Variants in CCDC73 observed in about 807,000 individuals in gnomAD.
The protein encoded by CCDC73 is coiled-coil domain-containing protein 73.
CCDC73 carries 95 observed loss-of-function variants against 116.5 expected under a neutral mutation model. That is an observed-to-expected ratio of 0.82 (90% CI 0.69 to 0.97). CCDC73 has a LOEUF of 0.97. Ranked by LOEUF, CCDC73 falls within the 50% of genes least tolerant of loss-of-function variation. The pLI is 0.00. For missense variants in CCDC73, 1,066 were observed against 1,206.8 expected (o/e 0.88, Z 1.73); for synonymous variants, 398 against 401.3 (o/e 0.99, Z 0.10).
At position 32,760,281 on chromosome 11, in the gene CCDC73, C is replaced by A. The variant is rs200169421; in HGVS notation, c.-15-23G>T. 9.6e-4 allele frequency: 1,268 copies of A among 1,323,464 alleles called. 3 individuals are homozygous for A. Among genetic ancestry groups the A allele is most frequent in the Non-Finnish European group, 1.2e-3 (1,182 of 979,106 alleles). The allele number at this position is 1,323,464 out of a possible 1,614,324, so 82.0% of individuals were successfully genotyped here. On this transcript the variant is annotated intron_variant, in intron 1 of 17. Transcript: ENST00000335185. Reference sequence around the variant, plus strand: ...TTCCTGTAATGTAAAAAGGTCTTAACTGAAAAAAAATTATCTAGGTTTTTC... The same window carrying A: ...TTCCTGTAATGTAAAAAGGTCTTAAATGAAAAAAAATTATCTAGGTTTTTC...
At chr11:32,609,960 T>G (rs531406274) in intron 17 of CCDC73, among the ~76,000 whole-genome samples, 1 of 150,892 alleles carries the variant, frequency 6.6e-6, no homozygotes, top group South Asian at 2.1e-4. Context: ...TTTTTTTTTT[T>G]TTGTATTTTT....
rs780898101 is a variant in CCDC73 at position 32,653,241 on chromosome 11, C to T, written c.835-14G>A. On this transcript the variant is annotated splice_polypyrimidine_tract_variant and intron_variant, in intron 11 of 17. Transcript: ENST00000335185. ...AATGATGATATCCTTTGAAAATACA[C>T]AAATATATCAATTTAAAAGTTTTAA... is the stretch of plus-strand genomic sequence containing the variant. 31 of 1,502,608 alleles carry T rather than the reference C, an allele frequency of 2.1e-5. No homozygotes were observed. The highest frequency in any genetic ancestry group is 7.1e-5 in the Admixed American group (4 of 56,218). 93.1% of individuals were successfully genotyped at this position (1,502,608 alleles called of 1,614,324 possible).
At chr11:32,608,034 G>A (rs60780706) in intron 17 of CCDC73, among the ~76,000 whole-genome samples, 39,493 of 151,260 alleles carry the variant, frequency 0.26, 5,591 homozygotes, top group South Asian at 0.35. Context: ...CCCCCCCCAC[G>A]ATTCTATTAC....
intron 2 of CCDC73, among the ~76,000 whole-genome samples, chr11:32,729,007 A>G (rs908848327): frequency 1.3e-5 from 2 of 150,124 alleles, no homozygotes; most frequent in South Asian, 4.2e-4. Context: ...GCCCAGCCCA[A>G]TTCTTTTTTT....
the CCDC73 span, among the ~76,000 whole-genome samples, chr11:32,827,460 T>C: frequency 2.2e-4 from 34 of 152,338 alleles, no homozygotes; most frequent in South Asian, 6.0e-3. Context: ...CTATAAACTC[T>C]GATATTTGAT....
intron 14 of CCDC73, among the ~76,000 whole-genome samples, chr11:32,616,651 G>A (rs2133223421): frequency 6.6e-6 from 1 of 152,242 alleles, no homozygotes; most frequent in Middle Eastern, 3.4e-3. Flanking sequence ...AGGTGAAGCA[G>A]TATTTTTATG....
intron 3 of CCDC73, 101 bp downstream of exon 3, chr11:32,717,975 A>G (rs568318974): frequency 1.5e-5 from 11 of 751,796 alleles, no homozygotes; most frequent in East Asian, 8.0e-5. Context: ...AAATGATTCA[A>G]TTACCTCCAC....
upstream of CCDC73, among the ~76,000 whole-genome samples, chr11:32,796,229 G>A (rs192881785): frequency 2.2e-4 from 33 of 152,250 alleles, no homozygotes; most frequent in African/African-American, 7.5e-4. Flanking sequence ...CACAAGCTTC[G>A]TGAAAACAGA....
At chr11:32,638,259 T>C (rs1280585110) in intron 13 of CCDC73, among the ~76,000 whole-genome samples, 4 of 152,246 alleles carry the variant, frequency 2.6e-5, no homozygotes, top group Non-Finnish European at 5.9e-5. Flanking sequence ...GCAAGAATTA[T>C]TTTTCTAAAA....
chr11:32,674,059 G>A (rs1355945637), intron 9 of CCDC73, among the ~76,000 whole-genome samples: 1 of 152,124 alleles, frequency 6.6e-6, no homozygotes, highest in African/African-American at 2.4e-5. Context: ...CTCTCCACTG[G>A]CCCAGCTCAA....
chr11:32,674,824 G>T (rs1856071080), intron 9 of CCDC73, among the ~76,000 whole-genome samples: 2 of 152,160 alleles, frequency 1.3e-5, no homozygotes, highest in South Asian at 4.1e-4. Flanking sequence ...TAAAGCTGGA[G>T]ACATCAAAAC....
At chr11:32,734,421 T>C (rs1235091542) in intron 2 of CCDC73, among the ~76,000 whole-genome samples, 6 of 106,980 alleles carry the variant, frequency 5.6e-5, no homozygotes, top group Non-Finnish European at 9.6e-5. Flanking sequence ...ACTCATTTTT[T>C]TTTCTTTTTT....
At chr11:32,709,793 T>A (rs578001786) in intron 3 of CCDC73, among the ~76,000 whole-genome samples, 10 of 152,258 alleles carry the variant, frequency 6.6e-5, no homozygotes, top group Non-Finnish European at 1.5e-4. Context: ...TACCAATACT[T>A]TGAATGTCTG....
chr11:32,731,891 G>A (rs906104042), intron 2 of CCDC73, among the ~76,000 whole-genome samples: 2 of 152,208 alleles, frequency 1.3e-5, no homozygotes, highest in African/African-American at 2.4e-5. Context: ...CGCCAGCAAA[G>A]GAACAAAGCT....
At chr11:32,677,304 C>G (rs1481282369) in intron 7 of CCDC73, among the ~76,000 whole-genome samples, 1 of 151,678 alleles carries the variant, frequency 6.6e-6, no homozygotes, top group African/African-American at 2.4e-5. Flanking sequence ...ACAACATGGA[C>G]TAAACTTCAT....
intron 3 of CCDC73, 121 bp from the exon 4 acceptor site, chr11:32,703,065 C>G (rs4756174): frequency 0.3 from 220,081 of 732,876 alleles, 34,887 homozygotes; most frequent in South Asian, 0.35. Flanking sequence ...ATTTTGTGTT[C>G]CTGGAATGCA....
At chr11:32,695,695 A>AT (rs58838357) in intron 6 of CCDC73, among the ~76,000 whole-genome samples, 29,798 of 150,998 alleles carry the variant, frequency 0.2, 4,032 homozygotes, top group East Asian at 0.67. Context: ...ATTATTAACT[A>AT]TAAGTGTGTG....
At chr11:32,693,384 C>A (rs1056777404) in intron 6 of CCDC73, among the ~76,000 whole-genome samples, 2 of 152,194 alleles carry the variant, frequency 1.3e-5, no homozygotes, top group Non-Finnish European at 2.9e-5. Context: ...CATTGCTCTA[C>A]TCTATTCATG....
chr11:32,802,881 T>A, the CCDC73 span, among the ~76,000 whole-genome samples: 1 of 151,708 alleles, frequency 6.6e-6, no homozygotes, highest in Non-Finnish European at 1.5e-5. Context: ...GCCTCCCACG[T>A]AGCTGAGACC....
Sources: allele counts gnomAD v4.1 joint callset (sites outside exome capture counted in the v4.1 genomes callset), GRCh38; gene constraint gnomAD v4.1.1; transcripts MANE v1.5; gene names NCBI Gene and HGNC (gene_info 2026-07-23, HGNC 2026-07-21).